The following RFT1 variants were observed in gnomAD, a reference collection of about 807,000 sequenced individuals.
The protein encoded by RFT1 is man(5)GlcNAc(2)-PP-dolichol translocation protein RFT1.
In RFT1, 43 loss-of-function variants were observed where a neutral mutation model predicts 62.2. That is an observed-to-expected ratio of 0.69 (90% CI 0.54 to 0.89). The LOEUF is 0.89. Among genes scored for constraint, RFT1 ranks in the 40% least tolerant of loss-of-function variants. RFT1 has a pLI of 0.00. For missense variants in RFT1, 605 were observed against 649.9 expected (o/e 0.93, Z 0.75); for synonymous variants, 262 against 264.6 (o/e 0.99, Z 0.10).
intron 12 of RFT1, 148 bp from the exon 13 acceptor site, chr3:53,092,218 CAA>C (rs1701010967): frequency 7.1e-7 from 1 of 1,406,610 alleles, no homozygotes; most frequent in Admixed American, 2.0e-5. Flanking sequence ...TCCCCATTGG[CAA>C]CATTCTCTTG....
chr3:53,123,313 T>G (rs567824700), intron 3 of RFT1, among the ~76,000 whole-genome samples: 10 of 152,224 alleles, frequency 6.6e-5, no homozygotes, highest in African/African-American at 2.4e-4. Flanking sequence ...ATAAAACCCA[T>G]AAAAGGCTTT....
rs938783882 is a variant in RFT1 at position 53,122,552 on chromosome 3, C to T, written c.278G>A (p.Gly93Asp). 11 of 1,606,410 alleles carry T rather than the reference C, an allele frequency of 6.8e-6. No homozygotes were observed. Among genetic ancestry groups the T allele is most frequent in the Non-Finnish European group, 8.5e-6 (10 of 1,175,508 alleles). Residue 93 changes from glycine to aspartate, a missense_variant, in exon 4 of 13, where the codon GGT (glycine) becomes GAT (aspartate). Transcript: ENST00000296292. ...LNLLWLTVPL[G>D]VFWSLFLGWI... Reference sequence around the variant, plus strand: ...GCCCAGGAATAAGGACCAAAACACACCCAGGGGGACTCTAGAAGAGGAGAA... The same window carrying T: ...GCCCAGGAATAAGGACCAAAACACATCCAGGGGGACTCTAGAAGAGGAGAA...
At chr3:53,104,761 A>T (rs1339572237) in intron 9 of RFT1, among the ~76,000 whole-genome samples, 2 of 152,256 alleles carry the variant, frequency 1.3e-5, no homozygotes, top group Non-Finnish European at 2.9e-5. Flanking sequence ...CTATTCTAAG[A>T]AAAGTCAGAC....
At position 53,111,877 on chromosome 3, in the gene RFT1, G is replaced by A. The variant is rs762597470; in HGVS notation, c.728C>T (p.Thr243Ile). The change falls in exon 7 of 13, where the codon ACT (threonine) becomes ATT (isoleucine). Residue 243 changes from threonine (T) to isoleucine (I), a missense_variant. Physicochemically the swap from Thr to Ile is moderately conservative, Grantham distance 89 (BLOSUM62 -1). Coordinates refer to ENST00000296292, the MANE Select transcript of RFT1 (RefSeq NM_052859.4). ...GAAAGACTGTTTGAAAAAACTCCAA[G>A]TCAGTTTAGCCTCTTTCCAGTTTAT... ...AFINWKEAKL[T>I]WSFFKQSFLK... The A allele has an allele frequency of 4.3e-6, 7 of 1,613,940 alleles. No homozygotes were observed. The South Asian group carries it at 7.7e-5, about 18-fold the overall frequency.
At chr3:53,093,234 G>A (rs1242777753) in intron 11 of RFT1, among the ~76,000 whole-genome samples, 2 of 152,172 alleles carry the variant, frequency 1.3e-5, no homozygotes, top group African/African-American at 4.8e-5. Context: ...AATGGGAACT[G>A]AAACCAAAGC....
the RFT1 span, among the ~76,000 whole-genome samples, chr3:53,074,330 T>C: frequency 1.3e-5 from 2 of 152,210 alleles, no homozygotes; most frequent in Non-Finnish European, 1.5e-5. Flanking sequence ...CACTGATTAA[T>C]TCTTTATGTC....
the RFT1 span, among the ~76,000 whole-genome samples, chr3:53,072,050 C>T: frequency 4.6e-5 from 7 of 152,322 alleles, no homozygotes; most frequent in South Asian, 1.2e-3. Context: ...CCCAGGGGAA[C>T]ACGTGTCCTA....
At position 53,106,148 on chromosome 3, in the gene RFT1, AC is replaced by A. The variant is rs1436984687; in HGVS notation, c.827-346del. ...TTTGGGAGGCTGAGGTGGGAGGATC[AC>A]CCAAGCCCAGGAGGTTGAGGCTGCA... is the stretch of plus-strand genomic sequence containing the variant. On this transcript the variant is annotated intron_variant, in intron 8 of 12. Coordinates refer to ENST00000296292, the MANE Select transcript of RFT1 (RefSeq NM_052859.4). Among the ~76,000 whole-genome samples the A allele has an allele frequency of 3.3e-4, 50 of 152,174 alleles. No homozygotes were observed. In the South Asian group the frequency reaches 7.1e-3, roughly 21 times the overall value.
chr3:53,101,875 T>C (rs1236850284), intron 10 of RFT1, among the ~76,000 whole-genome samples: 1 of 152,028 alleles, frequency 6.6e-6, no homozygotes, highest in Admixed American at 6.6e-5. Flanking sequence ...CCGTCTCTAC[T>C]AAATATACAA....
At chr3:53,128,278 A>G (rs574712803) in intron 1 of RFT1, among the ~76,000 whole-genome samples, 1 of 152,304 alleles carries the variant, frequency 6.6e-6, no homozygotes, top group East Asian at 1.9e-4. Flanking sequence ...AGCCTGAGCA[A>G]CAGAGTGAGA....
chr3:53,126,051 G>T, intron 1 of RFT1, 57 bp from the exon 2 acceptor site: 1 of 1,353,450 alleles, frequency 7.4e-7, no homozygotes, highest in Non-Finnish European at 1.0e-6. Flanking sequence ...TGTTTACTTA[G>T]CTGAAATGAG....
At chr3:53,128,273 G>A (rs558064349) in intron 1 of RFT1, among the ~76,000 whole-genome samples, 5 of 152,286 alleles carry the variant, frequency 3.3e-5, no homozygotes, top group Admixed American at 6.5e-5. Flanking sequence ...ACTCCAGCCT[G>A]AGCAACAGAG....
Position 53,121,776 on chromosome 3 carries a change from T to G in RFT1, c.481A>C (p.Ile161Leu). The change falls in exon 5 of 13, where the codon ATT (isoleucine) becomes CTT (leucine). Residue 161 changes from isoleucine (I) to leucine (L), a missense_variant. Physicochemically the swap from Ile to Leu is conservative, Grantham distance 5 (BLOSUM62 2). Coordinates refer to ENST00000296292, the MANE Select transcript of RFT1 (RefSeq NM_052859.4). ...AAAGCTGTCAGAACGCTCTTAAGAA[T>G]TACCGACAGGCTCTCTGCAATCACC... The part of the protein sequence containing the change: ...LKVIAESLSV[I>L]LKSVLTAFLV... 2.5e-6 allele frequency: 4 copies of G among 1,613,808 alleles called. No homozygotes were observed. Among genetic ancestry groups the G allele is most frequent in the Non-Finnish European group, 3.4e-6 (4 of 1,179,874 alleles).
chr3:53,124,848 T>C (rs1358906110), intron 2 of RFT1, among the ~76,000 whole-genome samples: 1 of 152,002 alleles, frequency 6.6e-6, no homozygotes, highest in Non-Finnish European at 1.5e-5. Context: ...GGTGCACACC[T>C]GTAGGCCCAG....
rs1198286525 is a variant in RFT1 at position 53,121,858 on chromosome 3, T to A, written c.457-58A>T. On this transcript the variant is annotated intron_variant, in intron 4 of 12. Transcript: ENST00000296292. ...ACATCATCAAAAAGTCAAGATGTAA[T>A]GGAATGATAGACAGAAAATCTAGGG... is the stretch of plus-strand genomic sequence containing the variant. 3 of 1,402,230 alleles carry A rather than the reference T, an allele frequency of 2.1e-6. No individual in the cohort carries two copies. The African/African-American group carries it at 4.3e-5, about 20-fold the overall frequency. 86.9% of individuals were successfully genotyped at this position (1,402,230 alleles called of 1,614,324 possible).
chr3:53,067,413 C>T, the RFT1 span, among the ~76,000 whole-genome samples: 1 of 152,110 alleles, frequency 6.6e-6, no homozygotes, highest in African/African-American at 2.4e-5. Context: ...GAAGAAAACA[C>T]ATGTATGACG....
downstream of RFT1, among the ~76,000 whole-genome samples, chr3:53,084,425 AC>A (rs907161920): frequency 6.6e-6 from 1 of 152,132 alleles, no homozygotes; most frequent in Admixed American, 6.5e-5. Flanking sequence ...CTGCTCTCCC[AC>A]CCCACATGGC....
rs78814859 is a variant in RFT1 at position 53,116,101 on chromosome 3, G to A, written c.696+3783C>T. 2.0e-3 allele frequency among the ~76,000 whole-genome samples: 297 copies of A among 152,276 alleles called. 14 individuals carry two copies. The East Asian group carries it at 0.045, about 23-fold the overall frequency. Reference sequence around the variant, plus strand: ...ATAAGGTTAAATAAGCATCTTTAAAGAAGATGGAATTCTACAAGAACAGGA... The same window carrying A: ...ATAAGGTTAAATAAGCATCTTTAAAAAAGATGGAATTCTACAAGAACAGGA... On this transcript the variant is annotated intron_variant, in intron 6 of 12. Coordinates refer to ENST00000296292, the MANE Select transcript of RFT1 (RefSeq NM_052859.4).
intron 2 of RFT1, among the ~76,000 whole-genome samples, chr3:53,124,112 T>C (rs1321323955): frequency 2.6e-5 from 4 of 152,208 alleles, no homozygotes; most frequent in African/African-American, 4.8e-5. Context: ...TCAGCCTTCA[T>C]GGCTACAGGC....
Sources: allele counts gnomAD v4.1 joint callset (sites outside exome capture counted in the v4.1 genomes callset), GRCh38; gene constraint gnomAD v4.1.1; transcripts MANE v1.5; gene names NCBI Gene and HGNC (gene_info 2026-07-23, HGNC 2026-07-21).